SLC27A5: variants seen among roughly 807,000 people sequenced by gnomAD.
SLC27A5 encodes the protein long-chain fatty acid transport protein 5.
Under a neutral mutation model 63.1 loss-of-function variants are expected in SLC27A5, and 47 were observed. That is an observed-to-expected ratio of 0.74 (90% CI 0.59 to 0.95). The LOEUF (loss-of-function observed/expected upper bound fraction) is 0.95. SLC27A5 is among the 40% of genes least tolerant of loss of function. The pLI, the probability that SLC27A5 is intolerant of heterozygous loss-of-function variation, is 0.00. For synonymous variants in SLC27A5, 391 were observed against 403.8 expected (o/e 0.97, Z 0.38); for missense variants, 940 against 921.0 (o/e 1.02, Z -0.27).
chr19:58,503,876 G>C (rs1159497041), intron 3 of SLC27A5, among the ~76,000 whole-genome samples: 1 of 152,170 alleles, frequency 6.6e-6, no homozygotes, highest in Non-Finnish European at 1.5e-5. Context: ...ACTTTGGGAG[G>C]CCAACGTGTT....
At chr19:58,510,039 GA>G (rs1455653598) in intron 2 of SLC27A5, 34 bp from the exon 3 acceptor site, 1 of 1,603,214 alleles carries the variant, frequency 6.2e-7, no homozygotes, top group Non-Finnish European at 8.5e-7. Flanking sequence ...GCAGGGTGGT[GA>G]CATGACAGCA....
At position 58,499,671 on chromosome 19, in the gene SLC27A5, C is replaced by T. The variant is rs952386945; in HGVS notation, c.1488G>A (p.Leu496=). The change falls in exon 7 of 10, where the codon CTG becomes CTA. Residue 496 remains leucine, a synonymous_variant. Transcript: ENST00000263093. ...AGGGTTGCTGGCTTACCACCTTGGT[C>T]AGCAGCAGCCCCGGCTCCCCTGGGG... ...PVGLGEPGLL[L]TKVVSQQPFV... is the part of the protein sequence containing the mutation. 1 of 1,611,896 alleles carries T rather than the reference C, an allele frequency of 6.2e-7. No individual in the cohort carries two copies. Among genetic ancestry groups the T allele is most frequent in the African/African-American group, 1.3e-5 (1 of 74,908 alleles).
intron 3 of SLC27A5, among the ~76,000 whole-genome samples, chr19:58,507,136 A>C (rs28821001): frequency 0.41 from 61,458 of 151,434 alleles, 12,815 homozygotes; most frequent in East Asian, 0.63. Flanking sequence ...AGGTGGGTGG[A>C]TCATGAGGTC....
Position 58,498,568 on chromosome 19 carries a change from G to T in SLC27A5, c.2020C>A (p.Pro674Thr). ...GCCTGGTACATTTCTGCCGTCAGGG[G>T]CCGGAAGGACTGGGCCCGGTTGTCC... ...VLDNRAQSFR[P>T]LTAEMYQAVC... The change falls in exon 10 of 10, where the codon CCC becomes ACC. Residue 674 changes from proline to threonine, a missense_variant. Pro to Thr is a conservative substitution (Grantham distance 38). Coordinates refer to ENST00000263093, the MANE Select transcript of SLC27A5 (RefSeq NM_012254.3). 1.9e-6 allele frequency: 3 copies of T among 1,614,068 alleles called. No homozygotes were observed. Among genetic ancestry groups the T allele is most frequent in the Non-Finnish European group, 2.5e-6 (3 of 1,180,000 alleles).
intron 3 of SLC27A5, 122 bp from the exon 4 acceptor site, chr19:58,501,532 T>C: frequency 5.4e-6 from 6 of 1,119,988 alleles, no homozygotes; most frequent in Non-Finnish European, 7.5e-6. Context: ...TGAGTTCATC[T>C]TTGTGTCCTT....
At chr19:58,508,022 T>G (rs887245094) in intron 3 of SLC27A5, 1 of 152,216 alleles carries the variant, frequency 6.6e-6, no homozygotes, top group African/African-American at 2.4e-5. Flanking sequence ...TGATCTTTGT[T>G]GGACCCTGAT....
At chr19:58,506,227 A>G (rs1404823973) in intron 3 of SLC27A5, among the ~76,000 whole-genome samples, 1 of 151,644 alleles carries the variant, frequency 6.6e-6, no homozygotes, top group Non-Finnish European at 1.5e-5. Context: ...ACACCTGGCC[A>G]TGATAAAAGT....
rs1568635174 is a variant in SLC27A5 at position 58,511,682 on chromosome 19, T to A, written c.274A>T (p.Ile92Phe). Reference protein sequence around the residue: ...PGLRWLPADVIFLAKILHLGL... With the variant: ...PGLRWLPADVFFLAKILHLGL... ...AGGTGGAGGATCTTGGCCAAGAAGA[T>A]CACATCAGCCGGCAGCCAGCGTAGT... Residue 92 changes from isoleucine to phenylalanine, a missense_variant, in exon 1 of 10, where the codon ATC becomes TTC. Physicochemically the swap from Ile to Phe is conservative, Grantham distance 21 (BLOSUM62 0). Coordinates refer to ENST00000263093, the MANE Select transcript of SLC27A5 (RefSeq NM_012254.3). 1.9e-6 allele frequency: 3 copies of A among 1,579,578 alleles called. No individual in the cohort carries two copies. Among genetic ancestry groups the A allele is most frequent in the African/African-American group, 1.3e-5 (1 of 74,240 alleles).
At chr19:58,504,707 A>T (rs1310557509) in intron 3 of SLC27A5, among the ~76,000 whole-genome samples, 1 of 146,388 alleles carries the variant, frequency 6.8e-6, no homozygotes, top group Non-Finnish European at 1.5e-5. Flanking sequence ...AGGGAAGTAC[A>T]TGTGAAATTA....
rs765356155 is a variant in SLC27A5, at chr19:58,500,623, G to A, written c.1266C>T (p.Arg422=). The stretch of plus-strand genomic sequence containing the variant: ...CTTCCCAGATCCGAATAGGACCGAA[G>A]CGCTGCTGGAAGGTCTCCCACACAT... ...RADVWETFQQ[R]FGPIRIWEVY... The change falls in exon 5 of 10, where the codon CGC becomes CGT. Residue 422 remains arginine, a synonymous_variant. Coordinates refer to ENST00000263093, the MANE Select transcript of SLC27A5 (RefSeq NM_012254.3). The A allele has an allele frequency of 1.9e-6, 3 of 1,614,156 alleles. No individual in the cohort carries two copies. Among genetic ancestry groups the A allele is most frequent in the South Asian group, 1.1e-5 (1 of 91,086 alleles).
At chr19:58,499,089 G>A in intron 8 of SLC27A5, 34 bp downstream of exon 8, 1 of 1,611,416 alleles carries the variant, frequency 6.2e-7, no homozygotes, top group Non-Finnish European at 8.5e-7. Context: ...CACCCACAAA[G>A]CTGTTGGAAG....
chr19:58,501,305 T>C lies in SLC27A5; in HGVS notation c.1163A>G (p.Tyr388Cys). 6.2e-7 allele frequency: 1 copy of C among 1,613,546 alleles called. No individual in the cohort carries two copies. Among genetic ancestry groups the C allele is most frequent in the Non-Finnish European group, 8.5e-7 (1 of 1,179,658 alleles). ...CCTCACCTGGGGAATGTTACACAAG[T>C]ACCGCAGGAGCTCGCCCACATACAG... ...VILYVGELLRYLCNIPQQPED... is the reference protein window; with the variant it reads ...VILYVGELLRCLCNIPQQPED... The change falls in exon 4 of 10, where the codon TAC (tyrosine) becomes TGC (cysteine). Residue 388 changes from tyrosine (Y) to cysteine (C), a missense_variant. Coordinates refer to ENST00000263093, the MANE Select transcript of SLC27A5 (RefSeq NM_012254.3).
intron 3 of SLC27A5, among the ~76,000 whole-genome samples, chr19:58,506,649 C>CT (rs377249164): frequency 0.21 from 29,344 of 141,828 alleles, 3,140 homozygotes; most frequent in African/African-American, 0.27. Context: ...ACTATTTTCA[C>CT]TTTTTTTTTT....
In SLC27A5 at chr19:58,498,391, G is replaced by C; in HGVS notation, c.*124C>G. 1.0e-6 allele frequency: 1 copy of C among 960,086 alleles called. No individual in the cohort carries two copies. Among genetic ancestry groups the C allele is most frequent in the South Asian group, 1.7e-5 (1 of 59,006 alleles). 59.5% of individuals were successfully genotyped at this position (960,086 alleles called of 1,614,324 possible). A position where few individuals can be genotyped will look rare whatever the true frequency, so the allele number is the denominator to read the frequency against. ...GCTACAGGGCCCACTGTCATTTCCAGCCCACTGAGGTTGAGGGTATGGCCA... is the reference window on the plus strand; with the variant it reads ...GCTACAGGGCCCACTGTCATTTCCACCCCACTGAGGTTGAGGGTATGGCCA... On this transcript the variant is annotated 3_prime_UTR_variant, in exon 10 of 10. Transcript: ENST00000263093.
At chr19:58,502,710 G>T (rs1490400426) in intron 3 of SLC27A5, among the ~76,000 whole-genome samples, 1 of 150,606 alleles carries the variant, frequency 6.6e-6, no homozygotes, top group South Asian at 2.1e-4. Flanking sequence ...TGGACAGTTA[G>T]AGTAGTGAGT....
chr19:58,509,393 A>G (rs2053384585), intron 3 of SLC27A5: 1 of 152,150 alleles, frequency 6.6e-6, no homozygotes, highest in Admixed American at 6.6e-5. Flanking sequence ...CTCGAAAAAA[A>G]ATAAATAAAT....
At chr19:58,506,815 G>GC (rs1160736688) in intron 3 of SLC27A5, among the ~76,000 whole-genome samples, 1 of 151,832 alleles carries the variant, frequency 6.6e-6, no homozygotes. Flanking sequence ...TACCATGTTG[G>GC]CCAGGCTGGT....
chr19:58,501,084 A>G, intron 4 of SLC27A5: 1 of 1,196,520 alleles, frequency 8.4e-7, no homozygotes, highest in South Asian at 1.9e-5. Flanking sequence ...TGTTTTCCAA[A>G]TGAGGACACT....
intron 4 of SLC27A5, 94 bp from the exon 5 acceptor site, chr19:58,500,800 C>T: frequency 6.5e-7 from 1 of 1,528,220 alleles, no homozygotes; most frequent in Non-Finnish European, 8.8e-7. Flanking sequence ...GGGTCCTTAC[C>T]TTGGGAGTTA....
Sources: allele counts gnomAD v4.1 joint callset (sites outside exome capture counted in the v4.1 genomes callset), GRCh38; gene constraint gnomAD v4.1.1; transcripts MANE v1.5; gene names NCBI Gene and HGNC (gene_info 2026-07-23, HGNC 2026-07-21).